NCAM1: variants seen among roughly 807,000 people sequenced by gnomAD.
NCAM1 encodes the protein neural cell adhesion molecule 1.
NCAM1 carries 14 observed loss-of-function variants against 109.8 expected under a neutral mutation model. The ratio of observed to expected loss-of-function variants is 0.13; its 90% confidence interval spans 0.08 to 0.20. The LOEUF is 0.20. Ranked by LOEUF, NCAM1 falls within the 10% of genes least tolerant of loss-of-function variation. NCAM1 has a pLI of 1.00. For missense variants in NCAM1, 774 were observed against 1,109.9 expected, an observed-to-expected ratio of 0.70 and a Z score of 4.30; for synonymous variants, 418 against 442.9, an observed-to-expected ratio of 0.94 and a Z score of 0.70.
intron 1 of NCAM1, among the ~76,000 whole-genome samples, chr11:113,083,877 A>G (rs149858482): frequency 2.6e-4 from 40 of 152,320 alleles, no homozygotes; most frequent in African/African-American, 8.7e-4. Flanking sequence ...CAAAATCACC[A>G]GCCCAGAGCA....
intron 1 of NCAM1, among the ~76,000 whole-genome samples, chr11:112,970,491 C>T (rs1366274953): frequency 2.0e-5 from 3 of 152,108 alleles, no homozygotes; most frequent in Admixed American, 6.6e-5. Context: ...TCAGTAGGAA[C>T]ACCTGTATGC....
intron 1 of NCAM1, among the ~76,000 whole-genome samples, chr11:113,140,974 C>T (rs1056773522): frequency 6.6e-6 from 1 of 151,980 alleles, no homozygotes; most frequent in South Asian, 2.1e-4. Flanking sequence ...ACATAGTGCT[C>T]GTACTAGGAA....
chr11:113,260,753 G>A (rs1346913103), intron 17 of NCAM1, among the ~76,000 whole-genome samples: 1 of 152,060 alleles, frequency 6.6e-6, no homozygotes, highest in Non-Finnish European at 1.5e-5. Context: ...GCACAGCCAT[G>A]GTCCAAATCT....
chr11:113,241,738 A>C (rs560502219), intron 14 of NCAM1, among the ~76,000 whole-genome samples: 2 of 152,318 alleles, frequency 1.3e-5, no homozygotes, highest in South Asian at 4.1e-4. Context: ...GCAAAGTAAG[A>C]CCACAGCTCA....
At chr11:113,081,085 A>G (rs988627114) in intron 1 of NCAM1, among the ~76,000 whole-genome samples, 9 of 152,314 alleles carry the variant, frequency 5.9e-5, no homozygotes, top group African/African-American at 1.9e-4. Flanking sequence ...ATCAGAAGGT[A>G]GTGTGATTTC....
rs1248555919 is a variant in NCAM1, at chr11:113,118,096, A to G, written c.53-84283A>G. 2.0e-5 allele frequency among the ~76,000 whole-genome samples: 3 copies of G among 152,054 alleles called. No homozygotes were observed. In the East Asian group the frequency reaches 5.8e-4, roughly 29 times the overall value. On this transcript the variant is annotated intron_variant, in intron 1 of 19. Coordinates refer to ENST00000316851, the MANE Select transcript of NCAM1 (RefSeq NM_181351.5). ...GATACTTAGTTTTATTATTTAAATA[A>G]CCCACTATAAATAAGGATTTGTCAT...
At chr11:113,142,167 A>G (rs1365107828) in intron 1 of NCAM1, among the ~76,000 whole-genome samples, 1 of 152,008 alleles carries the variant, frequency 6.6e-6, no homozygotes, top group African/African-American at 2.4e-5. Flanking sequence ...ATGTTATTTC[A>G]TTTGTTTCTC....
At chr11:113,188,188 T>TAGACAAA (rs1268678234) in intron 1 of NCAM1, among the ~76,000 whole-genome samples, 1 of 152,132 alleles carries the variant, frequency 6.6e-6, no homozygotes, top group African/African-American at 2.4e-5. Context: ...GGGATGCTGT[T>TAGACAAA]AGACAAAAGA....
intron 1 of NCAM1, among the ~76,000 whole-genome samples, chr11:113,180,606 G>A (rs1291622906): frequency 6.6e-6 from 1 of 152,256 alleles, no homozygotes; most frequent in Non-Finnish European, 1.5e-5. Flanking sequence ...CCGTCTTCCT[G>A]TAGCACTAAG....
At chr11:113,037,814 A>T (rs1210903394) in intron 1 of NCAM1, among the ~76,000 whole-genome samples, 5 of 152,194 alleles carry the variant, frequency 3.3e-5, no homozygotes, top group African/African-American at 1.2e-4. Flanking sequence ...CTGTGCCTGT[A>T]GCCTCCTCCG....
chr11:113,229,361 T>C (rs1944937198), intron 9 of NCAM1, among the ~76,000 whole-genome samples: 1 of 152,138 alleles, frequency 6.6e-6, no homozygotes, highest in Non-Finnish European at 1.5e-5. Context: ...ATCAGAGAAA[T>C]GCAAATCAAA....
At chr11:113,219,003 G>C (rs571781697) in intron 8 of NCAM1, among the ~76,000 whole-genome samples, 13 of 152,290 alleles carry the variant, frequency 8.5e-5, no homozygotes, top group African/African-American at 3.1e-4. Flanking sequence ...CTTACTGACT[G>C]AGACCCGTGG....
chr11:113,208,071 A>G, intron 7 of NCAM1, 69 bp downstream of exon 7: 1 of 1,502,612 alleles, frequency 6.7e-7, no homozygotes, highest in Non-Finnish European at 9.0e-7. Flanking sequence ...TCAGTCCATC[A>G]GTAAGACCCT....
At chr11:113,017,588 A>G (rs370718583) in intron 1 of NCAM1, among the ~76,000 whole-genome samples, 2 of 149,562 alleles carry the variant, frequency 1.3e-5, no homozygotes, top group African/African-American at 4.9e-5. Context: ...AAATAAAACG[A>G]TTATTATACT....
At chr11:113,186,503 T>C (rs1338745121) in intron 1 of NCAM1, among the ~76,000 whole-genome samples, 2 of 152,222 alleles carry the variant, frequency 1.3e-5, no homozygotes, top group Admixed American at 1.3e-4. Flanking sequence ...AGAGGTTTGA[T>C]TAAGGCACAA....
intron 1 of NCAM1, among the ~76,000 whole-genome samples, chr11:113,113,080 C>T (rs537741259): frequency 1.2e-4 from 18 of 152,108 alleles, no homozygotes; most frequent in Non-Finnish European, 2.1e-4. Flanking sequence ...TGCAGTGAGC[C>T]GATATCGCAC....
chr11:113,026,961 C>T (rs1555077437), intron 1 of NCAM1, among the ~76,000 whole-genome samples: 5 of 152,172 alleles, frequency 3.3e-5, no homozygotes, highest in Non-Finnish European at 7.4e-5. Flanking sequence ...TGCAGTGTCC[C>T]TTGCAGGCTT....
At chr11:112,988,864 C>T (rs1302095425) in intron 1 of NCAM1, among the ~76,000 whole-genome samples, 2 of 151,820 alleles carry the variant, frequency 1.3e-5, no homozygotes, top group African/African-American at 4.8e-5. Context: ...TCTCATCCCT[C>T]AGCCACCCAC....
intron 1 of NCAM1, among the ~76,000 whole-genome samples, chr11:113,139,849 A>C (rs1245456810): frequency 6.6e-6 from 1 of 152,218 alleles, no homozygotes; most frequent in Admixed American, 6.5e-5. Context: ...CACCCATAGA[A>C]ATGTGGAATA....
Sources: allele counts gnomAD v4.1 joint callset (sites outside exome capture counted in the v4.1 genomes callset), GRCh38; gene constraint gnomAD v4.1.1; transcripts MANE v1.5; gene names NCBI Gene and HGNC (gene_info 2026-07-23, HGNC 2026-07-21).